ADAMTS17: variants seen among roughly 807,000 people sequenced by gnomAD.
ADAMTS17 encodes the protein ADAM metallopeptidase with thrombospondin type 1 motif 17, also known as A disintegrin and metalloproteinase with thrombospondin motifs 17.
A neutral mutation model predicts 141.5 loss-of-function variants in ADAMTS17; 113 were observed. The observed-to-expected ratio is 0.80, with a 90% CI of 0.69 to 0.93. ADAMTS17 has a LOEUF of 0.93. Ranked by LOEUF, ADAMTS17 falls within the 40% of genes least tolerant of loss-of-function variation. The probability of loss-of-function intolerance (pLI) is 0.00; values close to 1 mark genes in which losing one functional copy is unlikely to be tolerated. For synonymous variants in ADAMTS17, 768 were observed against 630.6 expected (o/e 1.22, Z -3.27); for missense variants, 1,659 against 1,517.9 (o/e 1.09, Z -1.54).
intron 20 of ADAMTS17, chr15:99,980,394 T>C (rs1364322478): frequency 2.0e-5 from 3 of 152,220 alleles, no homozygotes; most frequent in African/African-American, 7.2e-5. Context: ...ACATCCCTTT[T>C]CTCTTCAGAT....
chr15:100,337,647 TG>T (rs1596553330), intron 2 of ADAMTS17, among the ~76,000 whole-genome samples: 1 of 152,234 alleles, frequency 6.6e-6, no homozygotes, highest in Non-Finnish European at 1.5e-5. Flanking sequence ...CACATTCCAG[TG>T]GGTGGCCTTC....
At chr15:100,256,225 C>T (rs542559144) in intron 6 of ADAMTS17, among the ~76,000 whole-genome samples, 6 of 152,330 alleles carry the variant, frequency 3.9e-5, no homozygotes, top group Admixed American at 6.5e-5. Context: ...TGGCTCCCAG[C>T]GCCTACATCC....
chr15:100,140,139 G>T (rs138183415), intron 10 of ADAMTS17, among the ~76,000 whole-genome samples: 93 of 152,168 alleles, frequency 6.1e-4, no homozygotes, highest in African/African-American at 2.2e-3. Flanking sequence ...GGGACTACAG[G>T]CATGCGCCAC....
chr15:100,105,450 G>A (rs568857795), intron 14 of ADAMTS17, among the ~76,000 whole-genome samples: 1 of 152,278 alleles, frequency 6.6e-6, no homozygotes, highest in South Asian at 2.1e-4. Flanking sequence ...GGGATGGAGT[G>A]ACATCTGGGG....
chr15:100,143,923 G>A (rs925450147), intron 10 of ADAMTS17, among the ~76,000 whole-genome samples: 1 of 152,178 alleles, frequency 6.6e-6, no homozygotes, highest in Non-Finnish European at 1.5e-5. Context: ...AGTGGCAGAA[G>A]AACATACAGA....
chr15:100,019,528 T>C (rs912804698), intron 18 of ADAMTS17, among the ~76,000 whole-genome samples: 1 of 152,210 alleles, frequency 6.6e-6, no homozygotes, highest in Admixed American at 6.5e-5. Flanking sequence ...TGACCTTGGC[T>C]GCAGTGAGTG....
At chr15:100,005,645 T>C (rs1940510796) in intron 18 of ADAMTS17, among the ~76,000 whole-genome samples, 1 of 152,188 alleles carries the variant, frequency 6.6e-6, no homozygotes, top group Non-Finnish European at 1.5e-5. Context: ...GCCAGCTGAT[T>C]ACCAACCCGA....
Position 99,974,225 on chromosome 15 carries a change from G to GT in ADAMTS17, c.*176dup, listed in dbSNP as rs1265269180. The GT allele has an allele frequency of 1.1e-5, 8 of 742,188 alleles. No homozygotes were observed. Among genetic ancestry groups the GT allele is most frequent in the African/African-American group, 1.8e-5 (1 of 56,798 alleles). 46.0% of individuals were successfully genotyped at this position (742,188 alleles called of 1,614,324 possible). ...CACTGTAGAAAGCCAGCCAGTGGCTGTTAACAATATATTAAGTACGGAAGC... is the reference window on the plus strand; with the variant it reads ...CACTGTAGAAAGCCAGCCAGTGGCTGTTTAACAATATATTAAGTACGGAAGC... On this transcript the variant is annotated 3_prime_UTR_variant, in exon 22 of 22. Coordinates refer to ENST00000268070, the MANE Select transcript of ADAMTS17 (RefSeq NM_139057.4).
At chr15:100,218,844 TAAGC>T (rs908623483) in intron 7 of ADAMTS17, among the ~76,000 whole-genome samples, 34 of 152,262 alleles carry the variant, frequency 2.2e-4, no homozygotes, top group East Asian at 5.8e-4. Flanking sequence ...CACTGAAAGA[TAAGC>T]AAGTAAACAC....
chr15:100,151,899 C>T (rs567267942), intron 10 of ADAMTS17, among the ~76,000 whole-genome samples: 3 of 152,348 alleles, frequency 2.0e-5, no homozygotes, highest in East Asian at 1.9e-4. Context: ...ATGGTGAAAA[C>T]GTGTGCAATC....
At chr15:100,180,874 G>A (rs1331303305) in intron 8 of ADAMTS17, among the ~76,000 whole-genome samples, 1 of 152,198 alleles carries the variant, frequency 6.6e-6, no homozygotes, top group East Asian at 1.9e-4. Context: ...AGGTGGCAGA[G>A]CCAGCAAGGC....
chr15:100,156,892 G>T (rs1054209412), intron 8 of ADAMTS17, among the ~76,000 whole-genome samples: 1 of 152,208 alleles, frequency 6.6e-6, no homozygotes, highest in Non-Finnish European at 1.5e-5. Context: ...TTTGTGTGAG[G>T]AAAGTGTATT....
chr15:100,111,966 A>G (rs2036814735), intron 13 of ADAMTS17, among the ~76,000 whole-genome samples: 1 of 152,240 alleles, frequency 6.6e-6, no homozygotes. Flanking sequence ...TCCTAGGGCC[A>G]AAATTACCAA....
intron 9 of ADAMTS17, among the ~76,000 whole-genome samples, chr15:100,153,030 G>A (rs2039261280): frequency 6.6e-6 from 1 of 152,226 alleles, no homozygotes. Flanking sequence ...CCACAAGGCT[G>A]ATGGACTTTT....
In ADAMTS17 at chr15:100,293,247, G is replaced by C. The variant is rs115779431; in HGVS notation, c.617-11846C>G. Among the ~76,000 whole-genome samples the C allele has an allele frequency of 7.1e-3, 1,085 of 152,218 alleles. 16 individuals carry two copies. Among genetic ancestry groups the C allele is most frequent in the African/African-American group, 0.024 (996 of 41,528 alleles). On this transcript the variant is annotated intron_variant, in intron 3 of 21. Coordinates refer to ENST00000268070, the MANE Select transcript of ADAMTS17 (RefSeq NM_139057.4). ...AACTCCAAGAAAGGCCAATGACAGA[G>C]GTGGCCCAAGCTGGCAGGAAGAGGT... is the stretch of plus-strand genomic sequence containing the variant.
intron 3 of ADAMTS17, among the ~76,000 whole-genome samples, chr15:100,294,481 C>T (rs889915699): frequency 1.3e-5 from 2 of 152,000 alleles, no homozygotes; most frequent in East Asian, 3.9e-4. Context: ...ATACCTGTAA[C>T]CCCAGAGCTA....
chr15:99,984,817 C>T (rs548745004), intron 20 of ADAMTS17, among the ~76,000 whole-genome samples: 1 of 152,336 alleles, frequency 6.6e-6, no homozygotes, highest in South Asian at 2.1e-4. Flanking sequence ...CACATGCAGG[C>T]AGTGATTAGA....
chr15:100,159,394 T>C (rs2141396077), intron 8 of ADAMTS17, among the ~76,000 whole-genome samples: 1 of 152,384 alleles, frequency 6.6e-6, no homozygotes, highest in East Asian at 1.9e-4. Context: ...TTTCTTTCTC[T>C]ATTTCATGTT....
rs146656387 is a variant in ADAMTS17, at chr15:100,319,587, T to C, written c.616+11302A>G. On this transcript the variant is annotated intron_variant, in intron 3 of 21. Coordinates refer to ENST00000268070, the MANE Select transcript of ADAMTS17 (RefSeq NM_139057.4). ...TTAGCTGGGCATGGTGGCACGCACC[T>C]GTAGTCCCGGCTACTCGGAGGCTGA... Among the ~76,000 whole-genome samples, 142 of 152,302 alleles carry C rather than the reference T, an allele frequency of 9.3e-4. 4 individuals carry two copies. The East Asian group carries it at 0.021, about 22-fold the overall frequency.
Sources: gnomAD v4.1 joint callset for allele counts (sites outside exome capture counted in the v4.1 genomes callset) on GRCh38, gnomAD v4.1.1 for gene constraint, MANE v1.5 for transcripts, NCBI Gene and HGNC (gene_info 2026-07-23, HGNC 2026-07-21) for gene names.